Variants in CDH3 observed in about 807,000 individuals in gnomAD.
CDH3 encodes the protein cadherin 3, also known as cadherin-3.
Under a neutral mutation model 82.0 loss-of-function variants are expected in CDH3, and 54 were observed. That is an observed-to-expected ratio of 0.66 (90% CI 0.53 to 0.83). The LOEUF (loss-of-function observed/expected upper bound fraction) is 0.83, where lower values mean the gene tolerates loss of function less well. CDH3 is among the 40% of genes least tolerant of loss of function. The pLI, the probability that CDH3 is intolerant of heterozygous loss-of-function variation, is 0.00. For synonymous variants in CDH3, 446 were observed against 437.9 expected (o/e 1.02, Z -0.23); for missense variants, 1,054 against 1,084.6 (o/e 0.97, Z 0.40).
intron 2 of CDH3, among the ~76,000 whole-genome samples, chr16:68,675,821 A>T (rs962175905): frequency 3.3e-5 from 5 of 151,914 alleles, no homozygotes; most frequent in Admixed American, 3.3e-4. Flanking sequence ...AAGAAAAAAA[A>T]GTGGGGGATA....
At chr16:68,689,465 G>A (rs1961503193) in intron 12 of CDH3, among the ~76,000 whole-genome samples, 6 of 152,030 alleles carry the variant, frequency 3.9e-5, no homozygotes, top group Admixed American at 3.9e-4. Context: ...GAACCTGGGA[G>A]GTGGAAGTTG....
chr16:68,698,258 A>AG lies in CDH3; in HGVS notation c.2351dup (p.Ser785GlnfsTer101). ...GACACCCTCTTGGTGTTCGACTATG[A>AG]GGGCAGCGGCTCCGACGCCGCGTCC... On this transcript the variant is annotated frameshift_variant, in exon 16 of 16. Transcript: ENST00000264012. LOFTEE classifies it high-confidence loss of function. 6.2e-7 allele frequency: 1 copy of AG among 1,614,226 alleles called. No individual in the cohort carries two copies. Among genetic ancestry groups the AG allele is most frequent in the African/African-American group, 1.3e-5 (1 of 75,052 alleles).
chr16:68,691,808 G>A lies in CDH3; in HGVS notation c.1884G>A (p.Glu628=), dbSNP rs1223921604. Residue 628 remains glutamate, a synonymous_variant, in exon 13 of 16, where the codon GAG becomes GAA. Transcript: ENST00000264012. ...CTCTGTCTGACCATGGCAACAAAGA[G>A]CAGCTGACGGTGATCAGGGCCACTG... ...HLSLSDHGNK[E]QLTVIRATVC... is the part of the protein sequence containing the mutation. 6.2e-7 allele frequency: 1 copy of A among 1,614,182 alleles called. No individual in the cohort carries two copies. Among genetic ancestry groups the A allele is most frequent in the Middle Eastern group, 1.6e-4 (1 of 6,062 alleles).
Position 68,645,762 on chromosome 16 carries a change from A to C in CDH3, c.160+12A>C, listed in dbSNP as rs1410135850. 2 of 1,535,040 alleles carry C rather than the reference A, an allele frequency of 1.3e-6. No homozygotes were observed. The highest frequency in any genetic ancestry group is 8.8e-7 in the Non-Finnish European group (1 of 1,139,504). Reference sequence around the variant, plus strand: ...GGCGCTGGGGAAAGGTAAGATCCTCAGGGTGGAACCGCAGGGTAGGGGCCG... The same window carrying C: ...GGCGCTGGGGAAAGGTAAGATCCTCCGGGTGGAACCGCAGGGTAGGGGCCG... On this transcript the variant is annotated intron_variant, in intron 2 of 15. Transcript: ENST00000264012.
At chr16:68,682,973 G>C (rs1242816284) in intron 9 of CDH3, among the ~76,000 whole-genome samples, 1 of 152,104 alleles carries the variant, frequency 6.6e-6, no homozygotes, top group African/African-American at 2.4e-5. Flanking sequence ...AATAAGGCTG[G>C]GCGCAGTGGC....
At position 68,662,756 on chromosome 16, in the gene CDH3, C is replaced by G. The variant is rs190091829; in HGVS notation, c.161-13629C>G. 5.5e-3 allele frequency among the ~76,000 whole-genome samples: 830 copies of G among 151,480 alleles called. 7 individuals carry two copies. Among genetic ancestry groups the G allele is most frequent in the African/African-American group, 0.019 (786 of 41,318 alleles). On this transcript the variant is annotated intron_variant, in intron 2 of 15. Coordinates refer to ENST00000264012, the MANE Select transcript of CDH3 (RefSeq NM_001793.6). ...AGAGACGGAGTTTCACCGCATTAGC[C>G]AGGATGGTCTCGATCTCCTGACCTC...
At chr16:68,710,330 T>TGC (rs1962011226) in intron 1 of CDH3, among the ~76,000 whole-genome samples, 1 of 152,214 alleles carries the variant, frequency 6.6e-6, no homozygotes. Context: ...AGTCTGAGGA[T>TGC]GCCTCGCCAT....
chr16:68,659,132 G>T (rs1960490257), intron 2 of CDH3, among the ~76,000 whole-genome samples: 1 of 152,136 alleles, frequency 6.6e-6, no homozygotes, highest in Non-Finnish European at 1.5e-5. Context: ...CGTTTTACAG[G>T]TGAGGAAACT....
At chr16:68,664,153 T>C (rs1230073271) in intron 2 of CDH3, among the ~76,000 whole-genome samples, 1 of 152,180 alleles carries the variant, frequency 6.6e-6, no homozygotes, top group Non-Finnish European at 1.5e-5. Context: ...GATTCTGTTC[T>C]CAAGCTGAGT....
chr16:68,650,979 C>A, intron 2 of CDH3: 5 of 246,030 alleles, frequency 2.0e-5, no homozygotes, highest in South Asian at 7.6e-5. Flanking sequence ...AGAAAAACAC[C>A]AAAACCCAGA....
chr16:68,647,208 C>A (rs534949048), intron 2 of CDH3, among the ~76,000 whole-genome samples: 1 of 152,262 alleles, frequency 6.6e-6, no homozygotes, highest in South Asian at 2.1e-4. Flanking sequence ...AATTCCGGCT[C>A]CCTGAGGAAG....
intron 2 of CDH3, among the ~76,000 whole-genome samples, chr16:68,672,708 C>A (rs912459871): frequency 6.6e-6 from 1 of 152,218 alleles, no homozygotes; most frequent in South Asian, 2.1e-4. Flanking sequence ...AGGGCTGGTT[C>A]CTAAGCGATC....
intron 2 of CDH3, among the ~76,000 whole-genome samples, chr16:68,658,454 C>T (rs1169072103): frequency 6.6e-6 from 1 of 152,112 alleles, no homozygotes; most frequent in African/African-American, 2.4e-5. Context: ...GGAAATGGCC[C>T]TGGAGCTATG....
chr16:68,728,734 A>G (rs1962254028), downstream of CDH3, among the ~76,000 whole-genome samples: 1 of 152,240 alleles, frequency 6.6e-6, no homozygotes. Context: ...CATCATCCAC[A>G]GTGCTAAAAC....
At chr16:68,685,064 G>A (rs567907014) in intron 10 of CDH3, 141 bp from the exon 11 acceptor site, 10 of 1,147,788 alleles carry the variant, frequency 8.7e-6, no homozygotes, top group East Asian at 4.8e-5. Context: ...TTAGGTCCCC[G>A]TTTATGGGCG....
At chr16:68,704,502 C>G (rs549436158), downstream of CDH3, among the ~76,000 whole-genome samples, 3 of 152,320 alleles carry the variant, frequency 2.0e-5, no homozygotes, top group East Asian at 5.8e-4. Flanking sequence ...CCTGAAGGCT[C>G]TTTCCCCACG....
At chr16:68,700,493 A>G (rs2152108624), downstream of CDH3, among the ~76,000 whole-genome samples, 1 of 152,318 alleles carries the variant, frequency 6.6e-6, no homozygotes, top group South Asian at 2.1e-4. Flanking sequence ...CAGACTTTGG[A>G]TGGAGAAACC....
intron 2 of CDH3, among the ~76,000 whole-genome samples, chr16:68,666,375 C>T (rs896908411): frequency 3.6e-4 from 55 of 152,148 alleles, no homozygotes; most frequent in African/African-American, 1.3e-3. Flanking sequence ...AATAGGTGCA[C>T]CCAGGGCTCT....
chr16:68,691,586 T>G (rs1487664414), intron 12 of CDH3, 134 bp from the exon 13 acceptor site: 2 of 744,358 alleles, frequency 2.7e-6, no homozygotes, highest in Non-Finnish European at 4.8e-6. Context: ...TACTGCTATT[T>G]TCCAAAGTGT....
Sources: gnomAD v4.1 joint callset for allele counts (sites outside exome capture counted in the v4.1 genomes callset) on GRCh38, gnomAD v4.1.1 for gene constraint, MANE v1.5 for transcripts, NCBI Gene and HGNC (gene_info 2026-07-23, HGNC 2026-07-21) for gene names.